Variants in SERPINA3 observed in about 807,000 individuals in gnomAD.
The protein encoded by SERPINA3 is alpha-1-antichymotrypsin.
A neutral mutation model predicts 26.8 loss-of-function variants in SERPINA3; 32 were observed. The observed-to-expected ratio is 1.20, with a 90% CI of 0.90 to 1.61. The LOEUF is 1.61. Among genes scored for constraint, SERPINA3 ranks in the 40% most tolerant of loss-of-function variants. The probability of loss-of-function intolerance (pLI) is 0.00; values close to 1 mark genes in which losing one functional copy is unlikely to be tolerated. For synonymous variants in SERPINA3, 252 were observed against 206.4 expected (o/e 1.22, Z -1.89); for missense variants, 632 against 517.9 (o/e 1.22, Z -2.14).
In SERPINA3 at chr14:94,619,462, A is replaced by C; in HGVS notation, c.911A>C (p.Glu304Ala). The C allele has an allele frequency of 1.9e-6, 3 of 1,613,936 alleles. No homozygotes were observed. The highest frequency in any genetic ancestry group is 2.5e-6 in the Non-Finnish European group (3 of 1,179,944). ...CTGAAGCGGTGGAGAGACTCTCTGG[A>C]GTTCAGGTGATTCTTCCTGGCCCCC... ...ETLKRWRDSL[E>A]FREIGELYLP... Residue 304 changes from glutamate (E) to alanine (A), a missense_variant, in exon 3 of 5, where the codon GAG becomes GCG. Physicochemically the swap from Glu to Ala is moderately radical, Grantham distance 107 (BLOSUM62 -1). Coordinates refer to ENST00000393078, the MANE Select transcript of SERPINA3 (RefSeq NM_001085.5).
At chr14:94,620,185 G>C (rs1595098139) in intron 3 of SERPINA3, among the ~76,000 whole-genome samples, 1 of 152,144 alleles carries the variant, frequency 6.6e-6, no homozygotes, top group East Asian at 1.9e-4. Flanking sequence ...ATAACAGAGG[G>C]GAGGGGTGGA....
At chr14:94,615,131 A>G (rs767300710) in intron 2 of SERPINA3, 47 bp downstream of exon 2, 3 of 1,595,872 alleles carry the variant, frequency 1.9e-6, no homozygotes, top group Non-Finnish European at 2.6e-6. Context: ...TCTCAGGGCC[A>G]TTTCTGTCCT....
rs1272498252 is a variant in SERPINA3, at chr14:94,623,685, C to T, written c.1143C>T (p.Thr381=). ...CTGCTGCCACAGCAGTCAAAATCAC[C>T]CTCCTTTCTGCATTAGTGGAGACAA... ...EASAATAVKI[T]LLSALVETRT... Residue 381 remains threonine, a synonymous_variant, in exon 5 of 5, where the codon ACC becomes ACT. Transcript: ENST00000393078. 11 of 1,614,044 alleles carry T rather than the reference C, an allele frequency of 6.8e-6. No individual in the cohort carries two copies. The highest frequency in any genetic ancestry group is 1.3e-5 in the African/African-American group (1 of 74,912).
At chr14:94,618,946 T>A in intron 2 of SERPINA3, 1 of 581,720 alleles carries the variant, frequency 1.7e-6, no homozygotes, top group Non-Finnish European at 3.1e-6. Context: ...CACTCCTTAT[T>A]CCCTGGTTCC....
chr14:94,622,131 C>G (rs1021073678), intron 3 of SERPINA3, among the ~76,000 whole-genome samples: 1 of 152,184 alleles, frequency 6.6e-6, no homozygotes, highest in Non-Finnish European at 1.5e-5. Context: ...GGTGTGCTGC[C>G]TGGAGACTTT....
chr14:94,618,123 T>C (rs1281204553), intron 2 of SERPINA3: 4 of 152,126 alleles, frequency 2.6e-5, no homozygotes, highest in Non-Finnish European at 5.9e-5. Flanking sequence ...TTTTCAACAT[T>C]TTAAATATTT....
chr14:94,622,840 A>G (rs1185890146), intron 4 of SERPINA3: 2 of 371,646 alleles, frequency 5.4e-6, no homozygotes, highest in Non-Finnish European at 1.0e-5. Flanking sequence ...CTTGGCTAGT[A>G]TCCAGTGCCT....
chr14:94,616,243 G>A (rs1034082968), intron 2 of SERPINA3, among the ~76,000 whole-genome samples: 2 of 152,298 alleles, frequency 1.3e-5, no homozygotes, highest in Non-Finnish European at 2.9e-5. Context: ...TGGTAAACAG[G>A]TGGGCAGTGG....
chr14:94,620,772 A>G (rs1886171708), intron 3 of SERPINA3, among the ~76,000 whole-genome samples: 1 of 152,108 alleles, frequency 6.6e-6, no homozygotes, highest in African/African-American at 2.4e-5. Context: ...GAGCTGACCG[A>G]TTTCATGGGG....
chr14:94,620,988 C>T (rs993371619), intron 3 of SERPINA3, among the ~76,000 whole-genome samples: 7 of 152,112 alleles, frequency 4.6e-5, no homozygotes, highest in African/African-American at 1.7e-4. Flanking sequence ...CCCCACCACC[C>T]CTGTTTTCAC....
At chr14:94,617,625 A>T (rs921026939) in intron 2 of SERPINA3, 3 of 152,174 alleles carry the variant, frequency 2.0e-5, no homozygotes, top group Non-Finnish European at 4.4e-5. Flanking sequence ...CCAGAAAAGC[A>T]AATAATTAAA....
chr14:94,622,984 G>A (rs1886262317), intron 4 of SERPINA3, among the ~76,000 whole-genome samples: 1 of 152,238 alleles, frequency 6.6e-6, no homozygotes, highest in Non-Finnish European at 1.5e-5. Flanking sequence ...CCAAGGCAGG[G>A]TGGCCATGCA....
At chr14:94,616,381 A>G (rs932168846) in intron 2 of SERPINA3, among the ~76,000 whole-genome samples, 19 of 152,016 alleles carry the variant, frequency 1.2e-4, no homozygotes, top group Admixed American at 9.8e-4. Context: ...CTCACTCTCC[A>G]GGTGCCAGTT....
chr14:94,619,561 T>C, intron 3 of SERPINA3, 93 bp downstream of exon 3: 2 of 1,490,668 alleles, frequency 1.3e-6, no homozygotes, highest in Admixed American at 3.4e-5. Flanking sequence ...GGAGAACTCA[T>C]ACAGGGACAG....
At position 94,623,956 on chromosome 14, in the gene SERPINA3, A is replaced by T; in HGVS notation, c.*142A>T. Reference sequence around the variant, plus strand: ...TGTCTGCTTATCCTTGGAAGGTGACAGCGATTCCCTGTGTAGCTCTCACAT... The same window carrying T: ...TGTCTGCTTATCCTTGGAAGGTGACTGCGATTCCCTGTGTAGCTCTCACAT... On this transcript the variant is annotated 3_prime_UTR_variant, in exon 5 of 5. Coordinates refer to ENST00000393078, the MANE Select transcript of SERPINA3 (RefSeq NM_001085.5). 2.6e-6 allele frequency: 2 copies of T among 772,012 alleles called. No individual in the cohort carries two copies. The highest frequency in any genetic ancestry group is 2.6e-5 in the East Asian group (1 of 39,068). 47.8% of individuals were successfully genotyped at this position (772,012 alleles called of 1,614,324 possible).
Position 94,622,319 on chromosome 14 carries a change from CT to C in SERPINA3, c.918-13del, listed in dbSNP as rs745389082. ...GTACTGATCAGCAGAGGTTCAGATACTTTTTTTTTCTCGTTTTCTAGAGAGA... is the reference window on the plus strand; with the variant it reads ...GTACTGATCAGCAGAGGTTCAGATACTTTTTTTTCTCGTTTTCTAGAGAGA... On this transcript the variant is annotated intron_variant, in intron 3 of 4. Coordinates refer to ENST00000393078, the MANE Select transcript of SERPINA3 (RefSeq NM_001085.5). 155 of 1,597,510 alleles carry C rather than the reference CT, an allele frequency of 9.7e-5. No homozygotes were observed. In the East Asian group the frequency reaches 1.6e-3, roughly 16 times the overall value.
chr14:94,618,591 A>T (rs1401530333), intron 2 of SERPINA3: 1 of 172,302 alleles, frequency 5.8e-6, no homozygotes, highest in Admixed American at 5.4e-5. Context: ...AGATGTCACA[A>T]GTGTCCCTAG....
chr14:94,622,177 A>C (rs1886224232), intron 3 of SERPINA3, among the ~76,000 whole-genome samples, 164 bp from the exon 4 acceptor site: 1 of 152,224 alleles, frequency 6.6e-6, no homozygotes. Context: ...TTAATGAATA[A>C]GAAGAGTAAA....
chr14:94,614,080 T>G, intron 1 of SERPINA3: 1 of 288,660 alleles, frequency 3.5e-6, no homozygotes, highest in Non-Finnish European at 6.6e-6. Flanking sequence ...GCATTCTGAT[T>G]GGACTGAACC....
Sources: gnomAD v4.1 joint callset for allele counts (sites outside exome capture counted in the v4.1 genomes callset) on GRCh38, gnomAD v4.1.1 for gene constraint, MANE v1.5 for transcripts, NCBI Gene and HGNC (gene_info 2026-07-23, HGNC 2026-07-21) for gene names.